Variants in HSPG2 observed in about 807,000 individuals in gnomAD.
The protein encoded by HSPG2 is basement membrane-specific heparan sulfate proteoglycan core protein.
HSPG2 carries 278 observed loss-of-function variants against 526.6 expected under a neutral mutation model. That is an observed-to-expected ratio of 0.53 (90% confidence interval 0.48 to 0.58). HSPG2 has a LOEUF of 0.58. HSPG2 is among the 20% of genes least tolerant of loss of function. The pLI, the probability that HSPG2 is intolerant of heterozygous loss-of-function variation, is 0.00. For synonymous variants in HSPG2, 2,465 were observed against 2,555.4 expected (o/e 0.96, Z 1.07); for missense variants, 5,354 against 6,099.5 (o/e 0.88, Z 4.07).
At chr1:21,935,235 G>C (rs1052493160) in intron 1 of HSPG2, among the ~76,000 whole-genome samples, 14 of 152,312 alleles carry the variant, frequency 9.2e-5, no homozygotes, top group Middle Eastern at 3.4e-3. Context: ...ATTTTATAAA[G>C]AGACTTCAGG....
At chr1:21,830,881 G>A in intron 85 of HSPG2, 101 bp downstream of exon 85, 1 of 757,948 alleles carries the variant, frequency 1.3e-6, no homozygotes, top group Admixed American at 2.0e-5. Flanking sequence ...AGTGGGGGGT[G>A]TGGAAGTGCC....
intron 1 of HSPG2, among the ~76,000 whole-genome samples, chr1:21,924,366 A>C (rs748817768): frequency 1.3e-5 from 2 of 152,176 alleles, no homozygotes; most frequent in Non-Finnish European, 2.9e-5. Context: ...CAAAGTCCAG[A>C]AAATAACAGT....
chr1:21,851,422 T>C (rs914282716), intron 55 of HSPG2, 124 bp downstream of exon 55: 1 of 1,380,956 alleles, frequency 7.2e-7, no homozygotes, highest in African/African-American at 1.4e-5. Context: ...CACTGCACTA[T>C]ACATCTGTGC....
At chr1:21,905,896 A>T (rs1198616984) in intron 1 of HSPG2, among the ~76,000 whole-genome samples, 6 of 152,260 alleles carry the variant, frequency 3.9e-5, no homozygotes, top group Non-Finnish European at 8.8e-5. Flanking sequence ...CTGTAGTCCC[A>T]GCTACTTAGG....
chr1:21,904,451 T>G lies in HSPG2; in HGVS notation c.64-8141A>C, dbSNP rs1407145682. On this transcript the variant is annotated intron_variant, in intron 1 of 96. Coordinates refer to ENST00000374695, the MANE Select transcript of HSPG2 (RefSeq NM_005529.7). The surrounding 1 kb of genome is among the most constrained non-coding windows in gnomAD (Gnocchi z 4.4). ...GAGTCAAAGGGCGGCACGAGTGGGC[T>G]TTTCCATTTAAAAGGGCCGCCCCTC... 1.3e-5 allele frequency among the ~76,000 whole-genome samples: 2 copies of G among 152,026 alleles called. No individual in the cohort carries two copies. The highest frequency in any genetic ancestry group is 2.9e-5 in the Non-Finnish European group (2 of 67,996).
At chr1:21,846,398 A>G in intron 63 of HSPG2, 50 bp downstream of exon 63, 1 of 1,611,750 alleles carries the variant, frequency 6.2e-7, no homozygotes, top group Non-Finnish European at 8.5e-7. Flanking sequence ...AAAGCTAGCC[A>G]GGGCCCCCAC....
rs1449327448 is a variant in HSPG2 at position 21,859,109 on chromosome 1, G to A, written c.5293+457C>T. On this transcript the variant is annotated intron_variant, in intron 42 of 96. Coordinates refer to ENST00000374695, the MANE Select transcript of HSPG2 (RefSeq NM_005529.7). The surrounding 1 kb of genome is among the most constrained non-coding windows in gnomAD (Gnocchi z 5.3). The stretch of plus-strand genomic sequence containing the variant: ...GTTGCCCAGGCTGGAGTGCAGTGGC[G>A]CAATCTTGGCTCACTGCAACCTCCA... Among the ~76,000 whole-genome samples, 6 of 151,908 alleles carry A rather than the reference G, an allele frequency of 3.9e-5. No individual in the cohort carries two copies. Among genetic ancestry groups the A allele is most frequent in the African/African-American group, 9.7e-5 (4 of 41,326 alleles).
rs1572143658 is a variant in HSPG2, at chr1:21,828,451, A to T, written c.12238-25T>A. 1 of 1,610,830 alleles carries T rather than the reference A, an allele frequency of 6.2e-7. No homozygotes were observed. Among genetic ancestry groups the T allele is most frequent in the East Asian group, 2.2e-5 (1 of 44,834 alleles). The stretch of plus-strand genomic sequence containing the variant: ...CCTGTGGGGACAGGGACACCGAGGG[A>T]CTAAAGGGGCCTGGGAGGCAGAGAC... On this transcript the variant is annotated intron_variant, in intron 88 of 96. Coordinates refer to ENST00000374695, the MANE Select transcript of HSPG2 (RefSeq NM_005529.7). The surrounding 1 kb of genome is among the most constrained non-coding windows in gnomAD (Gnocchi z 6.0).
At position 21,874,516 on chromosome 1, in the gene HSPG2, C is replaced by A. The variant is rs1019700649; in HGVS notation, c.3546G>T (p.Thr1182=). The A allele has an allele frequency of 6.2e-7, 1 of 1,613,450 alleles. No homozygotes were observed. The highest frequency in any genetic ancestry group is 1.7e-5 in the Admixed American group (1 of 59,980). ...GGCACTGCTCACACCGAGGGCCCTCCGTGTGATGCTGGCAGCCCTGGAGGA... is the reference window on the plus strand; with the variant it reads ...GGCACTGCTCACACCGAGGGCCCTCAGTGTGATGCTGGCAGCCCTGGAGGA... The part of the protein sequence containing the change: ...TGACQGCQHH[T]EGPRCEQCQP... Residue 1182 remains threonine (T), a synonymous_variant, in exon 28 of 97, where the codon ACG becomes ACT. Transcript: ENST00000374695.
At position 21,828,299 on chromosome 1, in the gene HSPG2, G is replaced by A. The variant is rs2097985749; in HGVS notation, c.12365C>T (p.Ala4122Val). Residue 4122 changes from alanine (A) to valine (V), a missense_variant, in exon 89 of 97, where the codon GCT becomes GTT. By Grantham distance (64) the Ala-to-Val change is moderately conservative. Coordinates refer to ENST00000374695, the MANE Select transcript of HSPG2 (RefSeq NM_005529.7). The surrounding 1 kb of genome is among the most constrained non-coding windows in gnomAD (Gnocchi z 6.0). ...CAGGCACTGGAACTCATACTCGCCAGCGGGCATGCACGTGGCACCATGTTG... is the reference window on the plus strand; with the variant it reads ...CAGGCACTGGAACTCATACTCGCCAACGGGCATGCACGTGGCACCATGTTG... ...PCQHGATCMP[A>V]GEYEFQCLCR... The A allele has an allele frequency of 6.2e-7, 1 of 1,613,720 alleles. No homozygotes were observed. Among genetic ancestry groups the A allele is most frequent in the African/African-American group, 1.3e-5 (1 of 74,932 alleles).
intron 1 of HSPG2, among the ~76,000 whole-genome samples, chr1:21,932,002 G>C (rs976845922): frequency 6.6e-6 from 1 of 152,186 alleles, no homozygotes; most frequent in African/African-American, 2.4e-5. Flanking sequence ...TCAACTGCCT[G>C]TAGAGTCCCA....
At chr1:21,849,720 C>A (rs1233656301) in intron 57 of HSPG2, among the ~76,000 whole-genome samples, 1 of 151,890 alleles carries the variant, frequency 6.6e-6, no homozygotes, top group African/African-American at 2.4e-5. Flanking sequence ...TGCTCTGTCG[C>A]CCAGGCTGGA....
rs1450061723 is a variant in HSPG2, at chr1:21,881,508, G to A, written c.1655-6C>T. 2 of 1,608,572 alleles carry A rather than the reference G, an allele frequency of 1.2e-6. No homozygotes were observed. Among genetic ancestry groups the A allele is most frequent in the African/African-American group, 2.7e-5 (2 of 74,844 alleles). On this transcript the variant is annotated splice_region_variant and splice_polypyrimidine_tract_variant and intron_variant, in intron 13 of 96. Transcript: ENST00000374695. The stretch of plus-strand genomic sequence containing the variant: ...AGGCATTGTCACATTCACACCTGTG[G>A]GTGGCAAGGGGGAGGCTGAGGGCTG...
Position 21,824,238 on chromosome 1 carries a change from G to A in HSPG2, c.12816-34C>T, listed in dbSNP as rs781342493. On this transcript the variant is annotated intron_variant, in intron 94 of 96. Transcript: ENST00000374695. The surrounding 1 kb of genome is among the most constrained non-coding windows in gnomAD (Gnocchi z 5.9). Reference sequence around the variant, plus strand: ...ATCCAGGCCCAAGAAGTATGAGCTGGGGCAGGACCGGGGGGTGGGGTGCTG... The same window carrying A: ...ATCCAGGCCCAAGAAGTATGAGCTGAGGCAGGACCGGGGGGTGGGGTGCTG... 5 of 1,613,398 alleles carry A rather than the reference G, an allele frequency of 3.1e-6. No individual in the cohort carries two copies. Among genetic ancestry groups the A allele is most frequent in the Non-Finnish European group, 3.4e-6 (4 of 1,179,728 alleles).
Position 21,854,687 on chromosome 1 carries a change from T to G in HSPG2, c.6212A>C (p.Asn2071Thr). The G allele has an allele frequency of 6.2e-7, 1 of 1,610,898 alleles. No individual in the cohort carries two copies. The highest frequency in any genetic ancestry group is 8.5e-7 in the Non-Finnish European group (1 of 1,178,652). Reference protein sequence around the residue: ...SVTEGQTLDLNCVVAGSAHAQ... With the variant: ...SVTEGQTLDLTCVVAGSAHAQ... ...ATGGGCTGACCCTGCCACCACACAG[T>G]TGAGGTCGAGTGTTTGCCCTTCTGT... is the stretch of plus-strand genomic sequence containing the variant. The change falls in exon 49 of 97, where the codon AAC (asparagine) becomes ACC (threonine). Residue 2071 changes from asparagine to threonine, a missense_variant. Asn to Thr is a moderately conservative substitution (Grantham distance 65). Coordinates refer to ENST00000374695, the MANE Select transcript of HSPG2 (RefSeq NM_005529.7).
chr1:21,878,107 G>C, intron 21 of HSPG2, 79 bp downstream of exon 21: 2 of 1,321,972 alleles, frequency 1.5e-6, no homozygotes, highest in Non-Finnish European at 2.2e-6. Context: ...CTATGGAGAG[G>C]ACGGAGCTTC....
At position 21,864,033 on chromosome 1, in the gene HSPG2, C is replaced by A; in HGVS notation, c.4740+67G>T. 2 of 1,243,286 alleles carry A rather than the reference C, an allele frequency of 1.6e-6. No individual in the cohort carries two copies. Among genetic ancestry groups the A allele is most frequent in the South Asian group, 2.6e-5 (2 of 77,734 alleles). 77.0% of individuals were successfully genotyped at this position (1,243,286 alleles called of 1,614,324 possible). ...TCCCCTGGATTGATGCCTGCCTTGT[C>A]CAGCCCTGGTCCCCCACCCAGGCCC... On this transcript the variant is annotated intron_variant, in intron 37 of 96. Coordinates refer to ENST00000374695, the MANE Select transcript of HSPG2 (RefSeq NM_005529.7). The surrounding 1 kb of genome is among the most constrained non-coding windows in gnomAD (Gnocchi z 4.8).
In HSPG2 at chr1:21,895,847, T is replaced by C; in HGVS notation, c.244+75A>G. ...ACCCCAGGGCAGGCCCAAGGAGCCCTCAGCCCAGGAGACTGGCTCTGGGGC... is the reference window on the plus strand; with the variant it reads ...ACCCCAGGGCAGGCCCAAGGAGCCCCCAGCCCAGGAGACTGGCTCTGGGGC... On this transcript the variant is annotated intron_variant, in intron 3 of 96. Coordinates refer to ENST00000374695, the MANE Select transcript of HSPG2 (RefSeq NM_005529.7). The surrounding 1 kb of genome is among the most constrained non-coding windows in gnomAD (Gnocchi z 4.1). 2 of 1,410,110 alleles carry C rather than the reference T, an allele frequency of 1.4e-6. No individual in the cohort carries two copies. The highest frequency in any genetic ancestry group is 2.0e-6 in the Non-Finnish European group (2 of 995,766). The allele number at this position is 1,410,110 out of a possible 1,614,324, so 87.3% of individuals were successfully genotyped here.
In HSPG2 at chr1:21,901,932, T is replaced by C. The variant is rs1045368476; in HGVS notation, c.64-5622A>G. On this transcript the variant is annotated intron_variant, in intron 1 of 96. Coordinates refer to ENST00000374695, the MANE Select transcript of HSPG2 (RefSeq NM_005529.7). ...GTCCCCAAATCTCTGGGGAGGGACA[T>C]GAACCCAGACAAGGTCCCCATCCCC... Among the ~76,000 whole-genome samples the C allele has an allele frequency of 5.3e-5, 8 of 152,134 alleles. No individual in the cohort carries two copies. In the East Asian group the frequency reaches 7.7e-4, roughly 15 times the overall value.
Sources: gnomAD v4.1 joint callset for allele counts (sites outside exome capture counted in the v4.1 genomes callset) on GRCh38, gnomAD v4.1.1 for gene constraint, Gnocchi (gnomAD v3.1) non-coding constraint, MANE v1.5 for transcripts, NCBI Gene and HGNC (gene_info 2026-07-23, HGNC 2026-07-21) for gene names.